Variants in SLC6A2 observed in about 807,000 individuals in gnomAD.
SLC6A2 encodes the protein sodium-dependent noradrenaline transporter.
In SLC6A2, 26 loss-of-function variants were observed where a neutral mutation model predicts 71.7. The observed-to-expected ratio is 0.36, with a 90% CI of 0.27 to 0.50. SLC6A2 has a LOEUF of 0.50. Among genes scored for constraint, SLC6A2 ranks in the 20% least tolerant of loss-of-function variants. The pLI is 0.96. For missense variants in SLC6A2, 581 were observed against 803.9 expected, an observed-to-expected ratio of 0.72 and a Z score of 3.35; for synonymous variants, 363 against 337.9, an observed-to-expected ratio of 1.07 and a Z score of -0.82.
At chr16:55,668,484 G>A (rs1964814628) in intron 2 of SLC6A2, among the ~76,000 whole-genome samples, 1 of 152,032 alleles carries the variant, frequency 6.6e-6, no homozygotes, top group Non-Finnish European at 1.5e-5. Context: ...GGTTTCCAGG[G>A]TTACAACACC....
chr16:55,702,291 T>G, intron 14 of SLC6A2, 32 bp from the exon 15 acceptor site: 1 of 1,612,476 alleles, frequency 6.2e-7, no homozygotes. Flanking sequence ...GTCCCCACCA[T>G]GTCATCAAGT....
In SLC6A2 at chr16:55,671,894, G is replaced by A. The variant is rs763400360; in HGVS notation, c.407-44G>A. 3 of 1,612,988 alleles carry A rather than the reference G, an allele frequency of 1.9e-6. No individual in the cohort carries two copies. In the Admixed American group the frequency reaches 5.0e-5, roughly 27 times the overall value. On this transcript the variant is annotated intron_variant, in intron 3 of 14. Transcript: ENST00000568943. ...ACACCCAAGGAGAGGTGGCTGTGGG[G>A]CTGGGCCTGGGAGACTCCTACCTTA...
chr16:55,658,633 C>T (rs769273926), intron 2 of SLC6A2, among the ~76,000 whole-genome samples: 3 of 152,142 alleles, frequency 2.0e-5, no homozygotes, highest in Non-Finnish European at 4.4e-5. Context: ...TTGGAGCTGA[C>T]AGATGGAGGT....
At chr16:55,695,547 C>T in intron 8 of SLC6A2, 145 bp downstream of exon 8, 1 of 899,608 alleles carries the variant, frequency 1.1e-6, no homozygotes, top group Non-Finnish European at 1.8e-6. Context: ...GATTGACTTT[C>T]CTTTGAGGTT....
At chr16:55,698,626 A>G in intron 11 of SLC6A2, 58 bp downstream of exon 11, 1 of 1,210,518 alleles carries the variant, frequency 8.3e-7, no homozygotes. Flanking sequence ...CTGCACCTGG[A>G]GGTGTGCAGG....
intron 4 of SLC6A2, among the ~76,000 whole-genome samples, chr16:55,683,338 G>A (rs1262876058): frequency 3.3e-5 from 5 of 152,096 alleles, no homozygotes; most frequent in Admixed American, 6.5e-5. Context: ...CAGGCCTGGC[G>A]CAGTGGCTCA....
rs1369405534 is a variant in SLC6A2, at chr16:55,656,571, C to G, written c.-51-73C>G. On this transcript the variant is annotated intron_variant, in intron 1 of 14. Transcript: ENST00000568943. The surrounding 1 kb of genome is among the most constrained non-coding windows in gnomAD (Gnocchi z 4.5). ...CGCTCATCCCAGTGTCTAAGGCGCT[C>G]CCGGGTGGTCTTGGGAGTTGCAAGT... 8 of 1,248,112 alleles carry G rather than the reference C, an allele frequency of 6.4e-6. No individual in the cohort carries two copies. Among genetic ancestry groups the G allele is most frequent in the East Asian group, 2.3e-5 (1 of 43,062 alleles). 77.3% of individuals were successfully genotyped at this position (1,248,112 alleles called of 1,614,324 possible).
chr16:55,680,732 C>G (rs1431942663), intron 4 of SLC6A2, among the ~76,000 whole-genome samples: 1 of 152,134 alleles, frequency 6.6e-6, no homozygotes, highest in Admixed American at 6.5e-5. Context: ...CCATCACAGA[C>G]AGAATGTGGG....
At chr16:55,659,514 T>A (rs1159723451) in intron 2 of SLC6A2, among the ~76,000 whole-genome samples, 1 of 152,080 alleles carries the variant, frequency 6.6e-6, no homozygotes, top group East Asian at 1.9e-4. Flanking sequence ...TCCAAGTTGT[T>A]TGGTGGTTTG....
At chr16:55,663,801 C>T (rs902139272) in intron 2 of SLC6A2, among the ~76,000 whole-genome samples, 1 of 152,178 alleles carries the variant, frequency 6.6e-6, no homozygotes, top group Non-Finnish European at 1.5e-5. Context: ...TCCCTTATCT[C>T]TCCAAGGTAG....
chr16:55,672,146 C>T lies in SLC6A2; in HGVS notation c.615C>T (p.Tyr205=), dbSNP rs1221322950. Residue 205 remains tyrosine (Y), a synonymous_variant, in exon 4 of 15, where the codon TAC becomes TAT. Transcript: ENST00000568943. ...GCAACCACACCAAGTACTCCAAGTA[C>T]AAGTTCACGCCGGCAGCCGAGTTTT... ...VLGNHTKYSK[Y]KFTPAAEFYE... 9 of 1,614,206 alleles carry T rather than the reference C, an allele frequency of 5.6e-6. No homozygotes were observed. Among genetic ancestry groups the T allele is most frequent in the Non-Finnish European group, 7.6e-6 (9 of 1,180,034 alleles).
chr16:55,675,774 G>A (rs1017542131), intron 4 of SLC6A2, among the ~76,000 whole-genome samples: 7 of 137,888 alleles, frequency 5.1e-5, no homozygotes, highest in African/African-American at 1.9e-4. Flanking sequence ...GTGCAAAAAA[G>A]TGTGGAAAAA....
intron 4 of SLC6A2, among the ~76,000 whole-genome samples, chr16:55,678,957 C>T (rs1596979745): frequency 6.6e-6 from 1 of 152,266 alleles, no homozygotes; most frequent in East Asian, 1.9e-4. Flanking sequence ...CCTAGACAAC[C>T]TCTACAACCC....
intron 2 of SLC6A2, among the ~76,000 whole-genome samples, chr16:55,660,485 C>T (rs1291090183): frequency 1.3e-5 from 2 of 152,206 alleles, no homozygotes; most frequent in African/African-American, 2.4e-5. Flanking sequence ...TCTGCGGAGG[C>T]CTCCTGGCTT....
chr16:55,667,072 A>G (rs1289012999), intron 2 of SLC6A2, among the ~76,000 whole-genome samples: 2 of 151,500 alleles, frequency 1.3e-5, no homozygotes, highest in Non-Finnish European at 2.9e-5. Context: ...CAGTGGCATG[A>G]TCATAGCTCA....
intron 6 of SLC6A2, 32 bp downstream of exon 6, chr16:55,692,084 C>G: frequency 2.5e-6 from 4 of 1,613,422 alleles, no homozygotes; most frequent in Non-Finnish European, 3.4e-6. Flanking sequence ...AGCCTTGGGC[C>G]AGGCTTGTGG....
chr16:55,676,127 A>G (rs1325403563), intron 4 of SLC6A2, among the ~76,000 whole-genome samples: 4 of 152,222 alleles, frequency 2.6e-5, no homozygotes, highest in African/African-American at 7.2e-5. Context: ...AGGCATATGT[A>G]AAAATTATGT....
intron 2 of SLC6A2, 66 bp downstream of exon 2, chr16:55,657,034 C>G: frequency 6.4e-7 from 1 of 1,568,682 alleles, no homozygotes; most frequent in South Asian, 1.2e-5. Flanking sequence ...GTGGCTGGGA[C>G]AGGAGCTGGA....
In SLC6A2 at chr16:55,704,252, A is replaced by C. The variant is rs996624095; in HGVS notation, c.*1906A>C. The C allele has an allele frequency of 6.6e-6, 1 of 152,204 alleles. No individual in the cohort carries two copies. Among genetic ancestry groups the C allele is most frequent in the African/African-American group, 2.4e-5 (1 of 41,452 alleles). The allele number at this position is 152,204 out of a possible 1,614,324, so 9.4% of individuals were successfully genotyped here. On this transcript the variant is annotated 3_prime_UTR_variant, in exon 15 of 15. Transcript: ENST00000568943. ...TCTGCCCAGTGAGGACTGCAGGGCT[A>C]TAGCTTCTATCTCCCCATTTCCCAG...
Sources: allele counts gnomAD v4.1 joint callset (sites outside exome capture counted in the v4.1 genomes callset), GRCh38; gene constraint gnomAD v4.1.1; non-coding constraint Gnocchi (gnomAD v3.1); transcripts MANE v1.5; gene names NCBI Gene and HGNC (gene_info 2026-07-23, HGNC 2026-07-21).